The following FCHSD2 variants were observed in gnomAD, a reference collection of about 807,000 sequenced individuals.
FCHSD2 encodes F-BAR and double SH3 domains protein 2.
FCHSD2 carries 38 observed loss-of-function variants against 108.1 expected under a neutral mutation model. The observed-to-expected ratio is 0.35, with a 90% confidence interval of 0.27 to 0.46. The LOEUF is 0.46. Among genes scored for constraint, FCHSD2 ranks in the 20% least tolerant of loss-of-function variants. The pLI is 1.00. For synonymous variants in FCHSD2, 279 were observed against 314.7 expected (o/e 0.89, Z 1.20); for missense variants, 751 against 897.8 (o/e 0.84, Z 2.09).
At chr11:72,955,204 G>A (rs979078843) in intron 8 of FCHSD2, among the ~76,000 whole-genome samples, 6 of 152,168 alleles carry the variant, frequency 3.9e-5, no homozygotes, top group South Asian at 2.1e-4. Context: ...AAAAATTGGC[G>A]TTCCTATGAC....
intron 2 of FCHSD2, among the ~76,000 whole-genome samples, chr11:73,089,609 G>A (rs1308024404): frequency 6.6e-6 from 1 of 152,296 alleles, no homozygotes; most frequent in Non-Finnish European, 1.5e-5. Flanking sequence ...CCATAAGAAA[G>A]AATGAAGTAC....
intron 2 of FCHSD2, among the ~76,000 whole-genome samples, chr11:73,102,359 C>T (rs1860244749): frequency 6.6e-6 from 1 of 152,166 alleles, no homozygotes; most frequent in Non-Finnish European, 1.5e-5. Context: ...AAGAACCCTG[C>T]AATTACACTC....
chr11:72,998,939 T>C (rs999269552), intron 5 of FCHSD2, among the ~76,000 whole-genome samples: 1 of 152,166 alleles, frequency 6.6e-6, no homozygotes, highest in Non-Finnish European at 1.5e-5. Flanking sequence ...AAATCTGGGA[T>C]TGCTACCTTT....
chr11:73,028,791 T>C (rs907062092), intron 3 of FCHSD2, among the ~76,000 whole-genome samples: 1 of 152,118 alleles, frequency 6.6e-6, no homozygotes, highest in Non-Finnish European at 1.5e-5. Flanking sequence ...CTCATGATAG[T>C]GAGTTCTCAT....
intron 3 of FCHSD2, among the ~76,000 whole-genome samples, chr11:73,058,841 T>A (rs185203016): frequency 6.6e-6 from 1 of 152,192 alleles, no homozygotes; most frequent in Non-Finnish European, 1.5e-5. Flanking sequence ...GTGCTGGGAT[T>A]ACACGTGTGA....
intron 3 of FCHSD2, among the ~76,000 whole-genome samples, chr11:73,046,213 A>G (rs907842682): frequency 2.6e-5 from 4 of 152,106 alleles, no homozygotes; most frequent in African/African-American, 9.7e-5. Flanking sequence ...GCTACAATCG[A>G]ATTCCTGTGC....
At position 73,101,675 on chromosome 11, in the gene FCHSD2, G is replaced by C. The variant is rs768974531; in HGVS notation, c.120-17935C>G. On this transcript the variant is annotated intron_variant, in intron 2 of 19. Transcript: ENST00000409418. ...TAGTCTGGAACTCCTGACTTCAAAC[G>C]ATCCTCCCACTTTGGCCTCCCAAAG... 2.0e-5 allele frequency among the ~76,000 whole-genome samples: 3 copies of C among 151,862 alleles called. No homozygotes were observed. In the South Asian group the frequency reaches 6.2e-4, roughly 32 times the overall value.
Position 72,843,445 on chromosome 11 carries a change from A to G in FCHSD2, c.1527+4T>C. ...GAAAGGGCGATATGAGCAAAGGAAT[A>G]TACCTTTACCCAGTCTTCCATATCT... On this transcript the variant is annotated splice_donor_region_variant and intron_variant, in intron 15 of 19. Coordinates refer to ENST00000409418, the MANE Select transcript of FCHSD2 (RefSeq NM_014824.3). 6.2e-7 allele frequency: 1 copy of G among 1,611,636 alleles called. No homozygotes were observed. The highest frequency in any genetic ancestry group is 1.1e-5 in the South Asian group (1 of 91,038).
At chr11:73,087,062 A>G (rs548864891) in intron 2 of FCHSD2, among the ~76,000 whole-genome samples, 2 of 152,204 alleles carry the variant, frequency 1.3e-5, no homozygotes, top group African/African-American at 4.8e-5. Context: ...GCATTGTATC[A>G]TAGGAGATGA....
rs76001876 is a variant in FCHSD2 at position 72,984,233 on chromosome 11, T to C, written c.577-17A>G. 7.6e-4 allele frequency: 1,220 copies of C among 1,613,272 alleles called. 5 individuals are homozygous for C. The African/African-American group carries it at 0.015, about 20-fold the overall frequency. On this transcript the variant is annotated splice_polypyrimidine_tract_variant and intron_variant, in intron 7 of 19. Coordinates refer to ENST00000409418, the MANE Select transcript of FCHSD2 (RefSeq NM_014824.3). ...GGCTTTTAACTAAAACATAGCAAAA[T>C]AAAATAATCAGTGCAAACTGATATT...
At chr11:73,070,646 G>A (rs945334230) in intron 3 of FCHSD2, among the ~76,000 whole-genome samples, 8 of 151,520 alleles carry the variant, frequency 5.3e-5, no homozygotes, top group Admixed American at 2.0e-4. Flanking sequence ...GGCTGGTCTC[G>A]AACTCCTGGC....
intron 3 of FCHSD2, among the ~76,000 whole-genome samples, chr11:73,058,389 G>T (rs1859080825): frequency 6.6e-6 from 1 of 152,066 alleles, no homozygotes; most frequent in Admixed American, 6.5e-5. Context: ...ACATGGTATG[G>T]CTAGATGTCA....
chr11:72,837,127 T>G lies in FCHSD2; in HGVS notation c.*1664A>C, dbSNP rs1860751900. The G allele has an allele frequency of 6.6e-6, 1 of 152,204 alleles. No homozygotes were observed. Among genetic ancestry groups the G allele is most frequent in the South Asian group, 2.1e-4 (1 of 4,838 alleles). 9.4% of individuals were successfully genotyped at this position (152,204 alleles called of 1,614,324 possible). Reference sequence around the variant, plus strand: ...AGATTTTTAATATGTTAGCAAACTTTAAAATCTTAAAAAAACCACCCTTTT... The same window carrying G: ...AGATTTTTAATATGTTAGCAAACTTGAAAATCTTAAAAAAACCACCCTTTT... On this transcript the variant is annotated 3_prime_UTR_variant, in exon 20 of 20. Coordinates refer to ENST00000409418, the MANE Select transcript of FCHSD2 (RefSeq NM_014824.3).
chr11:72,957,400 A>G (rs1009530526), intron 8 of FCHSD2, among the ~76,000 whole-genome samples: 5 of 151,106 alleles, frequency 3.3e-5, no homozygotes, highest in African/African-American at 9.7e-5. Context: ...TCCATGGTGT[A>G]TATGTGCCAC....
chr11:72,911,827 C>T (rs1266033903), intron 9 of FCHSD2, among the ~76,000 whole-genome samples: 4 of 152,180 alleles, frequency 2.6e-5, no homozygotes, highest in East Asian at 1.9e-4. Flanking sequence ...AGCGATTCTC[C>T]TGTCTCAGCC....
intron 3 of FCHSD2, among the ~76,000 whole-genome samples, chr11:73,057,880 CTT>C (rs775650024): frequency 2.4e-4 from 33 of 137,050 alleles, no homozygotes; most frequent in Admixed American, 2.2e-4. Flanking sequence ...ATTCGGTATT[CTT>C]TTTTTTTTTT....
chr11:73,002,323 C>T (rs1419396722), intron 4 of FCHSD2, among the ~76,000 whole-genome samples: 1 of 152,144 alleles, frequency 6.6e-6, no homozygotes, highest in Non-Finnish European at 1.5e-5. Context: ...ATTATTTAGG[C>T]AGAGGTGTAT....
At chr11:72,989,908 C>G (rs999895205) in intron 5 of FCHSD2, among the ~76,000 whole-genome samples, 9 of 151,992 alleles carry the variant, frequency 5.9e-5, no homozygotes, top group African/African-American at 1.9e-4. Flanking sequence ...CTCAGCAAAG[C>G]AGGAGGAGAC....
intron 8 of FCHSD2, among the ~76,000 whole-genome samples, chr11:72,956,300 T>C (rs1262011221): frequency 2.0e-5 from 3 of 151,938 alleles, no homozygotes; most frequent in Non-Finnish European, 2.9e-5. Context: ...ATGATGAAAA[T>C]AGAAAACCAC....
Sources: gnomAD v4.1 joint callset for allele counts (sites outside exome capture counted in the v4.1 genomes callset) on GRCh38, gnomAD v4.1.1 for gene constraint, MANE v1.5 for transcripts, NCBI Gene and HGNC (gene_info 2026-07-23, HGNC 2026-07-21) for gene names.